MARCHF1: variants seen among roughly 807,000 people sequenced by gnomAD.
The protein encoded by MARCHF1 is E3 ubiquitin-protein ligase MARCHF1.
Under a neutral mutation model 54.2 loss-of-function variants are expected in MARCHF1, and 40 were observed. That is an observed-to-expected ratio of 0.74 (90% CI 0.57 to 0.96). The LOEUF (loss-of-function observed/expected upper bound fraction) is 0.96, where lower values mean the gene tolerates loss of function less well. Among genes scored for constraint, MARCHF1 ranks in the 40% least tolerant of loss-of-function variants. MARCHF1 has a pLI of 0.00. For synonymous variants in MARCHF1, 236 were observed against 236.3 expected (o/e 1.00, Z 0.01); for missense variants, 586 against 656.5 (o/e 0.89, Z 1.17).
At chr4:164,074,121 A>T (rs957647793) in intron 2 of MARCHF1, among the ~76,000 whole-genome samples, 5 of 152,230 alleles carry the variant, frequency 3.3e-5, no homozygotes, top group African/African-American at 1.2e-4. Context: ...TCATTTTGAA[A>T]GTAATTTTTG....
At chr4:163,989,359 G>T (rs1224447235) in intron 2 of MARCHF1, among the ~76,000 whole-genome samples, 1 of 152,048 alleles carries the variant, frequency 6.6e-6, no homozygotes, top group Non-Finnish European at 1.5e-5. Context: ...TTTTCTGGAT[G>T]GTTGTAAAGA....
intron 1 of MARCHF1, among the ~76,000 whole-genome samples, chr4:164,213,759 T>C (rs1284270306): frequency 6.6e-6 from 1 of 152,076 alleles, no homozygotes; most frequent in African/African-American, 2.4e-5. Flanking sequence ...TTGTCTATTG[T>C]ATAAATGAAA....
chr4:163,554,008 A>C (rs1350141959), intron 8 of MARCHF1, among the ~76,000 whole-genome samples: 1 of 152,214 alleles, frequency 6.6e-6, no homozygotes, highest in African/African-American at 2.4e-5. Context: ...TTTACTTTTC[A>C]AAAACATTTT....
At chr4:163,594,367 G>A (rs910915705) in intron 7 of MARCHF1, among the ~76,000 whole-genome samples, 3 of 151,148 alleles carry the variant, frequency 2.0e-5, no homozygotes, top group Non-Finnish European at 4.4e-5. Context: ...TATTTATTTA[G>A]TATATACAAT....
intron 4 of MARCHF1, among the ~76,000 whole-genome samples, chr4:163,797,691 T>C (rs542272031): frequency 2.6e-5 from 4 of 152,120 alleles, no homozygotes; most frequent in Non-Finnish European, 5.9e-5. Context: ...ATTTCATTTA[T>C]TATTTTTATT....
At chr4:163,691,363 G>A (rs1487187878) in intron 5 of MARCHF1, among the ~76,000 whole-genome samples, 1 of 152,194 alleles carries the variant, frequency 6.6e-6, no homozygotes, top group Non-Finnish European at 1.5e-5. Context: ...ATGGATGACA[G>A]CATGAGAAAA....
At chr4:164,274,956 G>A (rs1262110958) in intron 1 of MARCHF1, among the ~76,000 whole-genome samples, 2 of 151,324 alleles carry the variant, frequency 1.3e-5, no homozygotes, top group East Asian at 1.9e-4. Flanking sequence ...AATTACAGGC[G>A]TAAGCCACCA....
At chr4:163,928,039 G>A (rs1751574944) in intron 3 of MARCHF1, among the ~76,000 whole-genome samples, 1 of 151,606 alleles carries the variant, frequency 6.6e-6, no homozygotes, top group Admixed American at 6.6e-5. Context: ...GATGTTGAAT[G>A]GGGTATATAT....
At chr4:164,028,879 T>G (rs867688624) in intron 2 of MARCHF1, among the ~76,000 whole-genome samples, 1 of 152,286 alleles carries the variant, frequency 6.6e-6, no homozygotes, top group Middle Eastern at 3.4e-3. Context: ...TGAGCAGCCC[T>G]GTTGTAAAAG....
At chr4:163,808,808 A>G (rs1748301793) in intron 4 of MARCHF1, among the ~76,000 whole-genome samples, 1 of 152,106 alleles carries the variant, frequency 6.6e-6, no homozygotes, top group Admixed American at 6.6e-5. Context: ...AGCTCAAGTG[A>G]TCCACTCACC....
At chr4:164,253,050 A>G (rs1453744488) in intron 1 of MARCHF1, among the ~76,000 whole-genome samples, 1 of 152,140 alleles carries the variant, frequency 6.6e-6, no homozygotes, top group African/African-American at 2.4e-5. Flanking sequence ...AAATAAAACA[A>G]CAGTGGTATA....
intron 3 of MARCHF1, among the ~76,000 whole-genome samples, chr4:163,979,220 T>C (rs1448026210): frequency 1.3e-5 from 1 of 75,096 alleles, no homozygotes; most frequent in East Asian, 7.3e-4. Context: ...CCTTCCTGTG[T>C]CCATGTGATC....
intron 2 of MARCHF1, among the ~76,000 whole-genome samples, chr4:164,111,173 T>A (rs915050780): frequency 2.0e-5 from 3 of 151,820 alleles, no homozygotes; most frequent in African/African-American, 7.2e-5. Flanking sequence ...AAAATTACTC[T>A]GTATCCTAAA....
chr4:163,950,641 C>T (rs1405957155), intron 3 of MARCHF1, among the ~76,000 whole-genome samples: 1 of 152,162 alleles, frequency 6.6e-6, no homozygotes, highest in Non-Finnish European at 1.5e-5. Flanking sequence ...GCATACAGCC[C>T]CATCCACACC....
chr4:164,147,734 A>G (rs1041928880), intron 1 of MARCHF1, among the ~76,000 whole-genome samples: 252 of 146,588 alleles, frequency 1.7e-3, no homozygotes, highest in Admixed American at 3.6e-3. Context: ...ATGACGAGTT[A>G]GTGGGTGCAG....
rs1001278760 is a variant in MARCHF1, at chr4:163,744,955, C to T, written c.112-44092G>A. Among the ~76,000 whole-genome samples, 4 of 152,242 alleles carry T rather than the reference C, an allele frequency of 2.6e-5. No individual in the cohort carries two copies. In the East Asian group the frequency reaches 5.8e-4, roughly 22 times the overall value. On this transcript the variant is annotated intron_variant, in intron 4 of 9. Coordinates refer to ENST00000514618, the MANE Select transcript of MARCHF1 (RefSeq NM_001394959.1). ...ACTAAATAGGCCTAAAAATTAGGCT[C>T]TGTGCTCCCAAGGGACCAAAAGCAA...
At chr4:163,714,578 G>A (rs1745203616) in intron 4 of MARCHF1, among the ~76,000 whole-genome samples, 3 of 152,214 alleles carry the variant, frequency 2.0e-5, no homozygotes, top group Non-Finnish European at 4.4e-5. Context: ...AAGTAGGACG[G>A]TAATTCTACA....
chr4:164,217,368 G>C (rs1731963263), intron 1 of MARCHF1, among the ~76,000 whole-genome samples: 1 of 152,252 alleles, frequency 6.6e-6, no homozygotes, highest in South Asian at 2.1e-4. Context: ...TAAAAGTTTT[G>C]AGACATTGTT....
intron 1 of MARCHF1, among the ~76,000 whole-genome samples, chr4:164,194,432 C>T (rs1317866160): frequency 1.3e-5 from 2 of 152,150 alleles, no homozygotes; most frequent in African/African-American, 4.8e-5. Context: ...TAATGGAAAA[C>T]ATCCCATTTC....
Sources: allele counts gnomAD v4.1 joint callset (sites outside exome capture counted in the v4.1 genomes callset), GRCh38; gene constraint gnomAD v4.1.1; transcripts MANE v1.5; gene names NCBI Gene and HGNC (gene_info 2026-07-23, HGNC 2026-07-21).